Variants in RPTOR observed in about 807,000 individuals in gnomAD.
The protein encoded by RPTOR is regulatory-associated protein of mTOR.
A neutral mutation model predicts 169.9 loss-of-function variants in RPTOR; 21 were observed. The ratio of observed to expected loss-of-function variants is 0.12; its 90% CI spans 0.09 to 0.18. The LOEUF (loss-of-function observed/expected upper bound fraction) is 0.18, where lower values mean the gene tolerates loss of function less well. Among genes scored for constraint, RPTOR ranks in the 10% least tolerant of loss-of-function variants. RPTOR has a pLI of 1.00. For missense variants in RPTOR, 1,133 were observed against 1,855.9 expected (o/e 0.61, Z 7.16); for synonymous variants, 732 against 753.2 (o/e 0.97, Z 0.46).
chr17:80,749,483 G>A (rs1376023551), intron 5 of RPTOR, among the ~76,000 whole-genome samples: 7 of 115,566 alleles, frequency 6.1e-5, no homozygotes, highest in South Asian at 3.7e-4. Context: ...GGATGGAGGG[G>A]CTGCGGTGTG....
chr17:80,700,748 G>GTAGAGATTA (rs1567864712), intron 3 of RPTOR, among the ~76,000 whole-genome samples: 8 of 141,648 alleles, frequency 5.6e-5, no homozygotes, highest in Non-Finnish European at 9.6e-5. Flanking sequence ...GGTGGTGGTG[G>GTAGAGATTA]TGGTGATGAT....
At position 80,823,264 on chromosome 17, in the gene RPTOR, C is replaced by T. The variant is rs765037547; in HGVS notation, c.1136+41C>T. ...TCCTCCAGGTGCCGTGCTCCCCCGC[C>T]CTCCGTGGCACTGTGATGTCATGGA... On this transcript the variant is annotated intron_variant, in intron 9 of 33. Coordinates refer to ENST00000306801, the MANE Select transcript of RPTOR (RefSeq NM_020761.3). The surrounding 1 kb of genome is among the most constrained non-coding windows in gnomAD (Gnocchi z 4.5). 20 of 1,604,936 alleles carry T rather than the reference C, an allele frequency of 1.2e-5. 1 individual carries two copies. Among genetic ancestry groups the T allele is most frequent in the Middle Eastern group, 3.6e-4 (2 of 5,568 alleles).
At chr17:80,824,647 G>C (rs533789643) in intron 9 of RPTOR, among the ~76,000 whole-genome samples, 1 of 152,296 alleles carries the variant, frequency 6.6e-6, no homozygotes, top group Admixed American at 6.5e-5. Flanking sequence ...TCAGATCCTG[G>C]ATCAAAAACT....
At chr17:80,617,188 C>T (rs137993067) in intron 1 of RPTOR, among the ~76,000 whole-genome samples, 2 of 152,312 alleles carry the variant, frequency 1.3e-5, no homozygotes, top group Admixed American at 1.3e-4. Flanking sequence ...CTGAAGAGGT[C>T]AGAATCACTC....
Position 80,892,822 on chromosome 17 carries a change from C to A in RPTOR, c.2195C>A (p.Ala732Asp), listed in dbSNP as rs765757190. Reference protein sequence around the residue: ...SYGNIRAVATARSLNKSLQNL... With the variant: ...SYGNIRAVATDRSLNKSLQNL... ...GGAAACATCCGTGCTGTCGCCACAG[C>A]CAGGAGCCTCAACAAATCTTTGCAG... is the stretch of plus-strand genomic sequence containing the variant. Residue 732 changes from alanine to aspartate, a missense_variant, in exon 19 of 34, where the codon GCC becomes GAC. Physicochemically the swap from Ala to Asp is moderately radical, Grantham distance 126 (BLOSUM62 -2). Around this residue, in one of 9 missense-constraint regions of RPTOR, gnomAD observed 150 missense variants for 206.4 expected, o/e 0.73. Coordinates refer to ENST00000306801, the MANE Select transcript of RPTOR (RefSeq NM_020761.3). 1.2e-6 allele frequency: 2 copies of A among 1,614,216 alleles called. No homozygotes were observed. The highest frequency in any genetic ancestry group is 3.3e-5 in the Admixed American group (2 of 60,030).
intron 28 of RPTOR, among the ~76,000 whole-genome samples, chr17:80,951,153 G>T (rs571343041): frequency 6.6e-6 from 1 of 152,004 alleles, no homozygotes; most frequent in South Asian, 2.1e-4. Flanking sequence ...TGGCCCCAGG[G>T]TCCCTGAGAC....
chr17:80,810,768 T>C (rs1334484627), intron 7 of RPTOR, among the ~76,000 whole-genome samples: 1 of 152,236 alleles, frequency 6.6e-6, no homozygotes, highest in East Asian at 1.9e-4. Flanking sequence ...ATGCACATAG[T>C]GGCTTCATCT....
At chr17:80,825,927 C>T (rs1023922331) in intron 9 of RPTOR, among the ~76,000 whole-genome samples, 4 of 152,216 alleles carry the variant, frequency 2.6e-5, no homozygotes, top group Middle Eastern at 3.4e-3. Flanking sequence ...TAGACGGAGA[C>T]GGAGGCTGGT....
In RPTOR at chr17:80,857,782, GC is replaced by G. The variant is rs2143753474; in HGVS notation, c.1399-3del. On this transcript the variant is annotated splice_region_variant and splice_polypyrimidine_tract_variant and intron_variant, in intron 12 of 33. Coordinates refer to ENST00000306801, the MANE Select transcript of RPTOR (RefSeq NM_020761.3). ...CACAGGTGCGCTGACGCCCTCCCTC[GC>G]CCCCAGGCCTTGTCTGTCGGCATCT... The G allele has an allele frequency of 6.2e-7, 1 of 1,602,282 alleles. No homozygotes were observed.
intron 3 of RPTOR, among the ~76,000 whole-genome samples, chr17:80,655,470 T>C (rs2065672212): frequency 1.5e-5 from 1 of 65,698 alleles, no homozygotes; most frequent in African/African-American, 1.0e-4. Flanking sequence ...AGTGATGCAG[T>C]CAGCTTACTG....
At position 80,672,586 on chromosome 17, in the gene RPTOR, C is replaced by T. The variant is rs1382549997; in HGVS notation, c.348+28776C>T. Among the ~76,000 whole-genome samples, 5 of 152,110 alleles carry T rather than the reference C, an allele frequency of 3.3e-5. No individual in the cohort carries two copies. The East Asian group carries it at 5.8e-4, about 18-fold the overall frequency. ...CGGGCAGATCACGAAGTCAGGAGAT[C>T]GAGACCATCCTGGCTAACACAGTGA... is the stretch of plus-strand genomic sequence containing the variant. On this transcript the variant is annotated intron_variant, in intron 3 of 33. Coordinates refer to ENST00000306801, the MANE Select transcript of RPTOR (RefSeq NM_020761.3).
chr17:80,830,488 C>T (rs1025107169), intron 9 of RPTOR, among the ~76,000 whole-genome samples: 1 of 152,244 alleles, frequency 6.6e-6, no homozygotes, highest in Non-Finnish European at 1.5e-5. Context: ...GTAAAAGGCC[C>T]TTTCCAGGTG....
intron 1 of RPTOR, among the ~76,000 whole-genome samples, chr17:80,607,850 G>A (rs2065240003): frequency 6.6e-6 from 1 of 152,026 alleles, no homozygotes. Flanking sequence ...GTAAAAATAT[G>A]TATACATAAT....
chr17:80,960,009 C>A lies in RPTOR; in HGVS notation c.3478-69C>A. 1.3e-6 allele frequency: 2 copies of A among 1,581,740 alleles called. No homozygotes were observed. The highest frequency in any genetic ancestry group is 1.1e-5 in the South Asian group (1 of 89,148). On this transcript the variant is annotated intron_variant, in intron 29 of 33. Coordinates refer to ENST00000306801, the MANE Select transcript of RPTOR (RefSeq NM_020761.3). This position sits in a 1 kb window ranked among gnomAD's most constrained non-coding sequence, Gnocchi z 4.8. The stretch of plus-strand genomic sequence containing the variant: ...AGGCAGGCAGCAAGAGGGGTCCTGG[C>A]GCTGCAGGACAGCAGGGAGGGTGGC...
intron 5 of RPTOR, among the ~76,000 whole-genome samples, chr17:80,743,681 G>A (rs1368307913): frequency 1.5e-5 from 2 of 135,704 alleles, no homozygotes; most frequent in Non-Finnish European, 3.5e-5. Flanking sequence ...GCACAGCCCT[G>A]GCTACTAGCA....
intron 7 of RPTOR, among the ~76,000 whole-genome samples, chr17:80,812,363 A>G (rs1478806321): frequency 6.6e-6 from 1 of 151,808 alleles, no homozygotes; most frequent in African/African-American, 2.4e-5. Flanking sequence ...ATTGAATGCT[A>G]CAAATTGAAA....
chr17:80,856,935 G>C (rs899588705), intron 12 of RPTOR, among the ~76,000 whole-genome samples: 3 of 152,204 alleles, frequency 2.0e-5, no homozygotes, highest in Non-Finnish European at 4.4e-5. Flanking sequence ...CCGAACCAGA[G>C]AAACTGCTCA....
At chr17:80,880,143 GCACT>G (rs2068169921) in intron 13 of RPTOR, among the ~76,000 whole-genome samples, 1 of 152,144 alleles carries the variant, frequency 6.6e-6, no homozygotes, top group South Asian at 2.1e-4. Flanking sequence ...GGGCTGCAGG[GCACT>G]CCCCAGCAGG....
chr17:80,660,693 C>G (rs544895573), intron 3 of RPTOR, among the ~76,000 whole-genome samples: 1 of 152,150 alleles, frequency 6.6e-6, no homozygotes, highest in South Asian at 2.1e-4. Flanking sequence ...GCAACACAGG[C>G]GGTCCCATCC....
Sources: gnomAD v4.1 joint callset for allele counts (sites outside exome capture counted in the v4.1 genomes callset) on GRCh38, gnomAD v4.1.1 for gene constraint, gnomAD v4.1.1 regional missense constraint, Gnocchi (gnomAD v3.1) non-coding constraint, MANE v1.5 for transcripts, NCBI Gene and HGNC (gene_info 2026-07-23, HGNC 2026-07-21) for gene names.